The following EGF variants were observed in gnomAD, a reference collection of about 807,000 sequenced individuals.
The protein encoded by EGF is pro-epidermal growth factor.
A neutral mutation model predicts 143.8 loss-of-function variants in EGF; 95 were observed. The observed-to-expected ratio is 0.66, with a 90% CI of 0.56 to 0.78. The LOEUF is 0.78. EGF is among the 30% of genes least tolerant of loss of function. The pLI is 0.00. For synonymous variants in EGF, 510 were observed against 510.5 expected (o/e 1.00, Z 0.01); for missense variants, 1,320 against 1,470.9 (o/e 0.90, Z 1.68).
At chr4:109,938,620 T>G (rs1349690993) in intron 1 of EGF, among the ~76,000 whole-genome samples, 1 of 150,424 alleles carries the variant, frequency 6.6e-6, no homozygotes, top group Non-Finnish European at 1.5e-5. Flanking sequence ...ATTTTCAGCC[T>G]TTTTGCTCTG....
intron 11 of EGF, among the ~76,000 whole-genome samples, chr4:109,970,637 T>C (rs982476926): frequency 1.8e-4 from 27 of 152,020 alleles, no homozygotes; most frequent in Admixed American, 6.5e-4. Flanking sequence ...CCATCCTGGC[T>C]AACATGGTGA....
chr4:109,948,678 G>A lies in EGF; in HGVS notation c.940+3403G>A, dbSNP rs114247341. 3.4e-3 allele frequency among the ~76,000 whole-genome samples: 512 copies of A among 152,112 alleles called. 3 individuals are homozygous for A. Among genetic ancestry groups the A allele is most frequent in the African/African-American group, 0.012 (492 of 41,480 alleles). The stretch of plus-strand genomic sequence containing the variant: ...TTGTTGTGTTTTTGGTAGAGGTGGG[G>A]TTTCACCATATTACCCAGGCTGGTC... On this transcript the variant is annotated intron_variant, in intron 5 of 23. Coordinates refer to ENST00000265171, the MANE Select transcript of EGF (RefSeq NM_001963.6).
intron 5 of EGF, 160 bp from the exon 6 acceptor site, chr4:109,959,151 CG>C: frequency 6.3e-6 from 7 of 1,112,066 alleles, no homozygotes; most frequent in Non-Finnish European, 9.0e-6. Context: ...AAGTGGGCTT[CG>C]GGATGCTGGG....
At chr4:109,958,332 G>A (rs1372205050) in intron 5 of EGF, among the ~76,000 whole-genome samples, 1 of 152,100 alleles carries the variant, frequency 6.6e-6, no homozygotes, top group Non-Finnish European at 1.5e-5. Context: ...CAGATATGGA[G>A]GGCCAACTGT....
At chr4:110,001,416 T>A (rs566756473) in intron 21 of EGF, among the ~76,000 whole-genome samples, 1 of 152,246 alleles carries the variant, frequency 6.6e-6, no homozygotes, top group Admixed American at 6.5e-5. Context: ...AATTCAGTAG[T>A]CCATCAATAA....
At chr4:109,977,959 CT>C (rs1748761022) in intron 13 of EGF, among the ~76,000 whole-genome samples, 1 of 152,184 alleles carries the variant, frequency 6.6e-6, no homozygotes, top group Non-Finnish European at 1.5e-5. Flanking sequence ...ATATTTTAAA[CT>C]AAAAAGCATA....
Position 110,012,963 on chromosome 4 carries a change from C to A in EGF, c.*1508C>A, listed in dbSNP as rs1294243387. ...ATCAGAATAAAAAGAAATTGAAGTA[C>A]CTGTTTTCAAATGGATACTTTATAG... On this transcript the variant is annotated 3_prime_UTR_variant, in exon 24 of 24. Coordinates refer to ENST00000265171, the MANE Select transcript of EGF (RefSeq NM_001963.6). 6.6e-6 allele frequency among the ~76,000 whole-genome samples: 1 copy of A among 152,086 alleles called. No homozygotes were observed. Among genetic ancestry groups the A allele is most frequent in the Non-Finnish European group, 1.5e-5 (1 of 68,016 alleles).
At chr4:109,926,898 G>C (rs1182849596) in intron 1 of EGF, among the ~76,000 whole-genome samples, 1 of 152,154 alleles carries the variant, frequency 6.6e-6, no homozygotes, top group Non-Finnish European at 1.5e-5. Context: ...TGTTTCCATT[G>C]TTATGTGATT....
At chr4:109,997,671 C>G (rs1752011320) in intron 20 of EGF, among the ~76,000 whole-genome samples, 1 of 152,046 alleles carries the variant, frequency 6.6e-6, no homozygotes. Context: ...AGGATGGTCT[C>G]CATCTCCTGA....
At chr4:109,927,682 C>T (rs1489888075) in intron 1 of EGF, among the ~76,000 whole-genome samples, 1 of 149,784 alleles carries the variant, frequency 6.7e-6, no homozygotes, top group Non-Finnish European at 1.5e-5. Context: ...GGAGATTGTG[C>T]CACTGCACTC....
At chr4:109,950,490 C>T (rs1743699704) in intron 5 of EGF, among the ~76,000 whole-genome samples, 2 of 152,066 alleles carry the variant, frequency 1.3e-5, no homozygotes, top group Admixed American at 1.3e-4. Context: ...GAGCATAATC[C>T]CTCAAAAAAG....
At chr4:109,990,245 A>G (rs374085270) in intron 18 of EGF, among the ~76,000 whole-genome samples, 1 of 152,176 alleles carries the variant, frequency 6.6e-6, no homozygotes, top group South Asian at 2.1e-4. Context: ...CAGGATGAGG[A>G]AGGTAGTCTT....
chr4:109,994,168 T>A (rs1751443023), intron 19 of EGF, among the ~76,000 whole-genome samples: 1 of 152,152 alleles, frequency 6.6e-6, no homozygotes, highest in South Asian at 2.1e-4. Context: ...AAAAGAGACT[T>A]TACTATTATA....
At chr4:109,980,778 C>T (rs2126116950) in intron 14 of EGF, 48 bp from the exon 15 acceptor site, 1 of 1,612,128 alleles carries the variant, frequency 6.2e-7, no homozygotes, top group East Asian at 2.2e-5. Flanking sequence ...TAATGGCATC[C>T]TTTTCATCTT....
intron 1 of EGF, among the ~76,000 whole-genome samples, chr4:109,936,563 A>C (rs1435124368): frequency 6.6e-6 from 1 of 151,952 alleles, no homozygotes; most frequent in African/African-American, 2.4e-5. Flanking sequence ...CTCTGATCTT[A>C]GTTATTTCTT....
chr4:109,964,447 C>A lies in EGF; in HGVS notation c.1485C>A (p.His495Gln), dbSNP rs572777871. ...TTGCCAATTCTCAAGATATTCGACA[C>A]ATGCATTTTGATGGAACAGACTATG... ...LLFANSQDIR[H>Q]MHFDGTDYGT... The change falls in exon 10 of 24, where the codon CAC becomes CAA. Residue 495 changes from histidine to glutamine, a missense_variant. Physicochemically the swap from His to Gln is conservative, Grantham distance 24 (BLOSUM62 0). Coordinates refer to ENST00000265171, the MANE Select transcript of EGF (RefSeq NM_001963.6). 2 of 1,613,978 alleles carry A rather than the reference C, an allele frequency of 1.2e-6. No homozygotes were observed. Among genetic ancestry groups the A allele is most frequent in the Non-Finnish European group, 1.7e-6 (2 of 1,179,886 alleles).
At chr4:109,927,152 G>A (rs12502241) in intron 1 of EGF, among the ~76,000 whole-genome samples, 3,327 of 152,218 alleles carry the variant, frequency 0.022, 238 homozygotes, top group East Asian at 0.19. Context: ...GTGAATAATC[G>A]AGGGATGTAA....
chr4:109,950,113 C>T (rs1293017542), intron 5 of EGF, among the ~76,000 whole-genome samples: 1 of 152,120 alleles, frequency 6.6e-6, no homozygotes, highest in Non-Finnish European at 1.5e-5. Flanking sequence ...TGTTTGGGCT[C>T]AGTAAAAATA....
rs1753998178 is a variant in EGF, at chr4:110,011,493, A to C, written c.*38A>C. The C allele has an allele frequency of 3.7e-6, 6 of 1,614,030 alleles. No individual in the cohort carries two copies. The highest frequency in any genetic ancestry group is 5.1e-6 in the Non-Finnish European group (6 of 1,179,988). On this transcript the variant is annotated 3_prime_UTR_variant, in exon 24 of 24. Coordinates refer to ENST00000265171, the MANE Select transcript of EGF (RefSeq NM_001963.6). The stretch of plus-strand genomic sequence containing the variant: ...AAAGGAAAGTCAAGAAGAATGAACT[A>C]TGTCGATGCACAGTATCTTTTCTTT...
Sources: gnomAD v4.1 joint callset for allele counts (sites outside exome capture counted in the v4.1 genomes callset) on GRCh38, gnomAD v4.1.1 for gene constraint, MANE v1.5 for transcripts, NCBI Gene and HGNC (gene_info 2026-07-23, HGNC 2026-07-21) for gene names.